Variants in GALNT16 observed in about 807,000 individuals in gnomAD.
The protein encoded by GALNT16 is polypeptide N-acetylgalactosaminyltransferase 16, also known as UDP-GalNAc:polypeptide N-acetylgalactosaminyltransferase-like protein 1.
In GALNT16, 40 loss-of-function variants were observed where a neutral mutation model predicts 76.1. The observed-to-expected ratio is 0.53, with a 90% CI of 0.41 to 0.68. The LOEUF (loss-of-function observed/expected upper bound fraction) is 0.68. GALNT16 is among the 30% of genes least tolerant of loss of function. The probability of loss-of-function intolerance (pLI) is 0.00; values close to 1 mark genes in which losing one functional copy is unlikely to be tolerated. For missense variants in GALNT16, 621 were observed against 731.9 expected (o/e 0.85, Z 1.75); for synonymous variants, 276 against 285.2 (o/e 0.97, Z 0.32).
At chr14:69,382,292 T>G in the GALNT16 span, among the ~76,000 whole-genome samples, 1 of 152,200 alleles carries the variant, frequency 6.6e-6, no homozygotes, top group Admixed American at 6.5e-5. Flanking sequence ...TAAAATTTAA[T>G]TTTTTCTGAA....
downstream of GALNT16, chr14:69,358,524 T>G (rs2045706122): frequency 6.5e-6 from 1 of 153,120 alleles, no homozygotes; most frequent in Admixed American, 6.5e-5. Flanking sequence ...AGCAGCAGAG[T>G]GGCACTGGGA....
chr14:69,295,374 C>T (rs969091976), intron 1 of GALNT16, among the ~76,000 whole-genome samples: 1 of 147,448 alleles, frequency 6.8e-6, no homozygotes, highest in Admixed American at 7.0e-5. Context: ...GAGATTGCGC[C>T]CCTGCACTTC....
chr14:69,305,986 A>G (rs1411221575), intron 1 of GALNT16, among the ~76,000 whole-genome samples: 4 of 152,160 alleles, frequency 2.6e-5, no homozygotes, highest in African/African-American at 9.7e-5. Flanking sequence ...GCATGTGGAT[A>G]TCATGTTTTC....
At chr14:69,293,914 C>T (rs1016481987) in intron 1 of GALNT16, among the ~76,000 whole-genome samples, 16 of 151,340 alleles carry the variant, frequency 1.1e-4, no homozygotes, top group Non-Finnish European at 1.9e-4. Context: ...TTTTTTGAGA[C>T]GGAGTCTTGC....
chr14:69,289,225 A>G (rs548012507), intron 1 of GALNT16, among the ~76,000 whole-genome samples: 2 of 152,258 alleles, frequency 1.3e-5, no homozygotes, highest in African/African-American at 2.4e-5. Flanking sequence ...GAGGGATGCC[A>G]AGGTGCTGGA....
chr14:69,317,182 T>C (rs996394511), intron 1 of GALNT16, among the ~76,000 whole-genome samples: 1 of 152,184 alleles, frequency 6.6e-6, no homozygotes, highest in Non-Finnish European at 1.5e-5. Flanking sequence ...CTCCTCATGG[T>C]CCTGCAGCCA....
chr14:69,322,923 GGGGT>G (rs1220498620), intron 2 of GALNT16, among the ~76,000 whole-genome samples: 4 of 105,098 alleles, frequency 3.8e-5, no homozygotes, highest in African/African-American at 1.3e-4. Flanking sequence ...GGTGGCTCAC[GGGGT>G]GTGTGTGTGT....
In GALNT16 at chr14:69,342,515, A is replaced by AGGAAGGGAGGAAGGAAGGAAG. The variant is rs1402012856; in HGVS notation, c.1271+753_1271+754insAAGGGAGGAAGGAAGGAAGGG. ...GAGGGAGGGAGGGAGGGAGGAAGGA[A>AGGAAGGGAGGAAGGAAGGAAG]GGGGAGAGGGAGAGGAAAAGAAAAG... On this transcript the variant is annotated intron_variant, in intron 12 of 14. Transcript: ENST00000448469. Among the ~76,000 whole-genome samples, 25 of 92,956 alleles carry AGGAAGGGAGGAAGGAAGGAAG rather than the reference A, an allele frequency of 2.7e-4. 1 individual carries two copies. The highest frequency in any genetic ancestry group is 8.4e-4 in the African/African-American group (24 of 28,506). The allele number at this position is 92,956 out of a possible 152,430, so 61.0% of individuals were successfully genotyped here. A position where few individuals can be genotyped will look rare whatever the true frequency, so the allele number is the denominator to read the frequency against.
chr14:69,312,882 G>A (rs559327223), intron 1 of GALNT16, among the ~76,000 whole-genome samples: 1 of 152,284 alleles, frequency 6.6e-6, no homozygotes, highest in African/African-American at 2.4e-5. Context: ...ATTGGCAAGA[G>A]GGGATGCCAA....
Position 69,260,182 on chromosome 14 carries a change from G to A in GALNT16, c.-109G>A. The A allele has an allele frequency of 2.2e-6, 1 of 445,852 alleles. No individual in the cohort carries two copies. The highest frequency in any genetic ancestry group is 4.2e-6 in the Non-Finnish European group (1 of 236,326). 27.6% of individuals were successfully genotyped at this position (445,852 alleles called of 1,614,324 possible). A position where few individuals can be genotyped will look rare whatever the true frequency, so the allele number is the denominator to read the frequency against. On this transcript the variant is annotated 5_prime_UTR_variant, in exon 1 of 15. Coordinates refer to ENST00000448469, the MANE Select transcript of GALNT16 (RefSeq NM_001168368.2). ...TCTCCTTTTTCTGCTCTGCAGGACT[G>A]AGCAGCTAGGCGCGAGCGAAAACAA...
At chr14:69,335,852 G>T (rs1377190767) in intron 9 of GALNT16, among the ~76,000 whole-genome samples, 1 of 152,082 alleles carries the variant, frequency 6.6e-6, no homozygotes, top group Non-Finnish European at 1.5e-5. Context: ...TTCCAAACTC[G>T]GGAGCCCAGA....
chr14:69,302,177 G>C lies in GALNT16; in HGVS notation c.178-18534G>C, dbSNP rs562426390. 2.0e-5 allele frequency among the ~76,000 whole-genome samples: 3 copies of C among 152,174 alleles called. No individual in the cohort carries two copies. The East Asian group carries it at 5.8e-4, about 29-fold the overall frequency. On this transcript the variant is annotated intron_variant, in intron 1 of 14. Transcript: ENST00000448469. ...GAGAATTAATGATGTTAAAGTATTAGTGTCATCTGAGAAGGTAGATATTTT... is the reference window on the plus strand; with the variant it reads ...GAGAATTAATGATGTTAAAGTATTACTGTCATCTGAGAAGGTAGATATTTT...
intron 1 of GALNT16, among the ~76,000 whole-genome samples, chr14:69,283,073 T>C (rs2044564996): frequency 6.6e-6 from 1 of 152,240 alleles, no homozygotes; most frequent in Admixed American, 6.5e-5. Context: ...TGTACCACCA[T>C]ATCAGCACCT....
At chr14:69,260,138 C>CG, upstream of GALNT16, 4 of 132,214 alleles carry the variant, frequency 3.0e-5, 2 homozygotes, top group Non-Finnish European at 6.5e-5. Context: ...TCCCTATCAC[C>CG]CCCCCGCCCC....
the GALNT16 span, chr14:69,380,762 G>A: frequency 3.4e-6 from 2 of 594,808 alleles, no homozygotes; most frequent in Non-Finnish European, 3.1e-6. Context: ...TGAACTTAAT[G>A]AAAAGCTGAA....
At chr14:69,385,468 CT>C in the GALNT16 span, among the ~76,000 whole-genome samples, 6 of 151,944 alleles carry the variant, frequency 3.9e-5, no homozygotes, top group African/African-American at 1.2e-4. Context: ...CCTGTCCTCC[CT>C]TTTTTATGAT....
the GALNT16 span, among the ~76,000 whole-genome samples, chr14:69,365,550 A>G: frequency 6.6e-6 from 1 of 152,190 alleles, no homozygotes; most frequent in East Asian, 1.9e-4. Context: ...ACAAGTTCTC[A>G]CTTACAAGTG....
intron 1 of GALNT16, among the ~76,000 whole-genome samples, chr14:69,277,583 A>G (rs958065598): frequency 6.6e-6 from 1 of 152,228 alleles, no homozygotes; most frequent in African/African-American, 2.4e-5. Context: ...ATAGTATTCC[A>G]TGGTGTATGT....
intron 5 of GALNT16, among the ~76,000 whole-genome samples, chr14:69,327,046 C>T (rs2045295518): frequency 6.6e-6 from 1 of 152,152 alleles, no homozygotes; most frequent in African/African-American, 2.4e-5. Context: ...TAGCAGGGAG[C>T]CACTGAGGTT....
Sources: gnomAD v4.1 joint callset for allele counts (sites outside exome capture counted in the v4.1 genomes callset) on GRCh38, gnomAD v4.1.1 for gene constraint, MANE v1.5 for transcripts, NCBI Gene and HGNC (gene_info 2026-07-23, HGNC 2026-07-21) for gene names.